The following PHAX variants were observed in gnomAD, a reference collection of about 807,000 sequenced individuals.
PHAX encodes the protein phosphorylated adaptor for RNA export.
Under a neutral mutation model 41.6 loss-of-function variants are expected in PHAX, and 31 were observed. The ratio of observed to expected loss-of-function variants is 0.75; its 90% CI spans 0.56 to 1.01. The LOEUF (loss-of-function observed/expected upper bound fraction) is 1.01. PHAX is among the 50% of genes least tolerant of loss of function. The pLI, the probability that PHAX is intolerant of heterozygous loss-of-function variation, is 0.00. For missense variants in PHAX, 453 were observed against 472.9 expected (o/e 0.96, Z 0.39); for synonymous variants, 175 against 164.9 (o/e 1.06, Z -0.47).
intron 3 of PHAX, among the ~76,000 whole-genome samples, chr5:126,616,380 C>T (rs967074093): frequency 6.6e-6 from 1 of 152,184 alleles, no homozygotes; most frequent in Non-Finnish European, 1.5e-5. Context: ...CAGGCGTGAG[C>T]AACTGCGCCC....
chr5:126,601,045 C>T lies in PHAX; in HGVS notation c.83C>T (p.Pro28Leu), dbSNP rs540772386. The change falls in exon 1 of 5, where the codon CCG becomes CTG. Residue 28 changes from proline (P) to leucine (L), a missense_variant. Transcript: ENST00000297540. ...SDMTVAPSDR[P>L]LQLPKVLGGD... Reference sequence around the variant, plus strand: ...ATGACGGTCGCACCCAGCGACAGGCCGCTGCAATTGCCAGTGAGTGTGAAA... The same window carrying T: ...ATGACGGTCGCACCCAGCGACAGGCTGCTGCAATTGCCAGTGAGTGTGAAA... 1.2e-6 allele frequency: 2 copies of T among 1,605,558 alleles called. No homozygotes were observed. The highest frequency in any genetic ancestry group is 1.7e-5 in the Admixed American group (1 of 59,454).
rs202042936 is a variant in PHAX at position 126,624,631 on chromosome 5, G to A, written c.972G>A (p.Lys324=). ...ATGAAAATAAAAAAGCTGCTAGGAAGAGGAGAACACAAGTGTTGGGGAAAA... is the reference window on the plus strand; with the variant it reads ...ATGAAAATAAAAAAGCTGCTAGGAAAAGGAGAACACAAGTGTTGGGGAAAA... ...KEYENKKAAR[K]RRTQVLGKKM... The change falls in exon 5 of 5, where the codon AAG becomes AAA. Residue 324 remains lysine (K), a synonymous_variant. Coordinates refer to ENST00000297540, the MANE Select transcript of PHAX (RefSeq NM_032177.4). 1.2e-6 allele frequency: 2 copies of A among 1,612,872 alleles called. No homozygotes were observed. The highest frequency in any genetic ancestry group is 2.7e-5 in the African/African-American group (2 of 74,896).
At chr5:126,602,466 A>G (rs1751919012) in intron 1 of PHAX, among the ~76,000 whole-genome samples, 1 of 152,256 alleles carries the variant, frequency 6.6e-6, no homozygotes, top group Non-Finnish European at 1.5e-5. Flanking sequence ...TGTGGAGCAT[A>G]CAGTGTGCAG....
At position 126,608,449 on chromosome 5, in the gene PHAX, G is replaced by A. The variant is rs1164905443; in HGVS notation, c.796G>A (p.Ala266Thr). The change falls in exon 3 of 5, where the codon GCT becomes ACT. Residue 266 changes from alanine (A) to threonine (T), a missense_variant. Ala to Thr is a moderately conservative substitution (Grantham distance 58, BLOSUM62 0). Coordinates refer to ENST00000297540, the MANE Select transcript of PHAX (RefSeq NM_032177.4). The stretch of plus-strand genomic sequence containing the variant: ...GGCAATTGAACTTCTGATGGAAACC[G>A]CTGAAGTTGAACAAAATGGTGGTCT... ...KKAIELLMET[A>T]EVEQNGGLFI... 3.1e-6 allele frequency: 5 copies of A among 1,613,636 alleles called. No individual in the cohort carries two copies. The highest frequency in any genetic ancestry group is 1.7e-5 in the Admixed American group (1 of 59,990).
At position 126,624,697 on chromosome 5, in the gene PHAX, T is replaced by A. The variant is rs759972938; in HGVS notation, c.1038T>A (p.Asp346Glu). Residue 346 changes from aspartate (D) to glutamate (E), a missense_variant, in exon 5 of 5, where the codon GAT (aspartate) becomes GAA (glutamate). By Grantham distance (45) the Asp-to-Glu change is conservative. Transcript: ENST00000297540. ...TTAAAAGTCTAAATTTTCAAGAAGA[T>A]GATGATACATCACGAGAAACTTTTG... ...QAIKSLNFQE[D>E]DDTSRETFAS... 1.2e-6 allele frequency: 2 copies of A among 1,614,212 alleles called. No homozygotes were observed.
At position 126,624,901 on chromosome 5, in the gene PHAX, A is replaced by AT; in HGVS notation, c.*62dup. ...TTCTAAAATAACATTGTAATAAACC[A>AT]TTTTTACTGAGATTGCAACGTTTTG... is the stretch of plus-strand genomic sequence containing the variant. On this transcript the variant is annotated 3_prime_UTR_variant, in exon 5 of 5. Coordinates refer to ENST00000297540, the MANE Select transcript of PHAX (RefSeq NM_032177.4). 1.4e-6 allele frequency: 2 copies of AT among 1,470,596 alleles called. No homozygotes were observed. The highest frequency in any genetic ancestry group is 1.8e-6 in the Non-Finnish European group (2 of 1,088,110). The allele number at this position is 1,470,596 out of a possible 1,614,324, so 91.1% of individuals were successfully genotyped here. A position where few individuals can be genotyped will look rare whatever the true frequency, so the allele number is the denominator to read the frequency against.
intron 1 of PHAX, among the ~76,000 whole-genome samples, chr5:126,602,448 A>AAC (rs1475447910): frequency 2.0e-5 from 3 of 152,220 alleles, no homozygotes; most frequent in Admixed American, 1.3e-4. Flanking sequence ...GGGTTATTGC[A>AAC]AGGATTCTGT....
At chr5:126,614,850 G>A (rs1415939305) in intron 3 of PHAX, among the ~76,000 whole-genome samples, 2 of 151,900 alleles carry the variant, frequency 1.3e-5, no homozygotes, top group African/African-American at 2.4e-5. Flanking sequence ...TCTGCCTCCC[G>A]GGTTCAAGCG....
rs563090490 is a variant in PHAX, at chr5:126,625,643, C to A, written c.*799C>A. On this transcript the variant is annotated 3_prime_UTR_variant, in exon 5 of 5. Transcript: ENST00000297540. ...TAAGAGGTGTATACTGATGATTCTTCCCACTCATTTGTTTGTCCAGAAGTA... is the reference window on the plus strand; with the variant it reads ...TAAGAGGTGTATACTGATGATTCTTACCACTCATTTGTTTGTCCAGAAGTA... 6.6e-6 allele frequency: 1 copy of A among 151,588 alleles called. No homozygotes were observed. Among genetic ancestry groups the A allele is most frequent in the Non-Finnish European group, 1.5e-5 (1 of 67,962 alleles). The allele number at this position is 151,588 out of a possible 1,614,324, so 9.4% of individuals were successfully genotyped here.
At chr5:126,609,340 A>T (rs1004995763) in intron 3 of PHAX, among the ~76,000 whole-genome samples, 21 of 151,754 alleles carry the variant, frequency 1.4e-4, no homozygotes, top group African/African-American at 5.1e-4. Flanking sequence ...ACCTTAGGCA[A>T]TCCACCCAGC....
intron 4 of PHAX, among the ~76,000 whole-genome samples, chr5:126,618,547 T>G (rs181249091): frequency 3.0e-3 from 462 of 152,172 alleles, no homozygotes; most frequent in Non-Finnish European, 3.3e-3. Context: ...TTATATACTT[T>G]CCCCCTAAGC....
rs760806341 is a variant in PHAX, at chr5:126,625,080, G to C, written c.*236G>C. On this transcript the variant is annotated 3_prime_UTR_variant, in exon 5 of 5. Transcript: ENST00000297540. ...GATTTAATTTCTCAATCTGTTGCAT[G>C]TGCTAATTATGAGTATTACTAGTTG... 17 of 464,910 alleles carry C rather than the reference G, an allele frequency of 3.7e-5. No homozygotes were observed. The highest frequency in any genetic ancestry group is 1.2e-4 in the Admixed American group (3 of 25,100). 28.8% of individuals were successfully genotyped at this position (464,910 alleles called of 1,614,324 possible).
chr5:126,622,293 C>G (rs1333542755), intron 4 of PHAX, among the ~76,000 whole-genome samples: 1 of 151,986 alleles, frequency 6.6e-6, no homozygotes, highest in African/African-American at 2.4e-5. Flanking sequence ...ACCACCATGC[C>G]CAGCTAATTT....
chr5:126,617,448 GTTA>G (rs1752203003), intron 4 of PHAX, 115 bp downstream of exon 4: 2 of 578,734 alleles, frequency 3.5e-6, no homozygotes, highest in Non-Finnish European at 6.1e-6. Context: ...GACTGATTTT[GTTA>G]TTATCTTAAG....
chr5:126,600,972 G>A lies in PHAX; in HGVS notation c.10G>A (p.Glu4Lys). The A allele has an allele frequency of 6.2e-7, 1 of 1,604,642 alleles. No individual in the cohort carries two copies. Among genetic ancestry groups the A allele is most frequent in the Non-Finnish European group, 8.5e-7 (1 of 1,175,664 alleles). MALEVGDMEDGQLS... is the reference protein window; with the variant it reads MALKVGDMEDGQLS... Reference sequence around the variant, plus strand: ...AGCGCACCGCGGGAAGATGGCGTTGGAGGTCGGCGATATGGAAGATGGGCA... The same window carrying A: ...AGCGCACCGCGGGAAGATGGCGTTGAAGGTCGGCGATATGGAAGATGGGCA... Residue 4 changes from glutamate (E) to lysine (K), a missense_variant, in exon 1 of 5, where the codon GAG becomes AAG. Glu to Lys is a moderately conservative substitution (Grantham distance 56, BLOSUM62 1). Coordinates refer to ENST00000297540, the MANE Select transcript of PHAX (RefSeq NM_032177.4).
chr5:126,616,642 G>C lies in PHAX; in HGVS notation c.832-608G>C, dbSNP rs575319370. Reference sequence around the variant, plus strand: ...CACCTGTAATCCTAGCACTTTGTGAGGCTGAGGCGGGCAGATCGCCTGAGG... The same window carrying C: ...CACCTGTAATCCTAGCACTTTGTGACGCTGAGGCGGGCAGATCGCCTGAGG... On this transcript the variant is annotated intron_variant, in intron 3 of 4. Transcript: ENST00000297540. Among the ~76,000 whole-genome samples the C allele has an allele frequency of 4.0e-4, 61 of 152,178 alleles. 2 individuals carry two copies. The South Asian group carries it at 0.012, about 31-fold the overall frequency.
intron 3 of PHAX, among the ~76,000 whole-genome samples, chr5:126,609,344 A>G (rs1014860215): frequency 4.0e-5 from 6 of 151,616 alleles, no homozygotes; most frequent in Admixed American, 3.3e-4. Flanking sequence ...TAGGCAATCC[A>G]CCCAGCTCGG....
intron 2 of PHAX, among the ~76,000 whole-genome samples, chr5:126,607,446 T>G (rs1183540189): frequency 7.1e-6 from 1 of 140,352 alleles, no homozygotes; most frequent in Non-Finnish European, 1.5e-5. Flanking sequence ...TTGCCCAGGC[T>G]GGAGTGCAGT....
intron 4 of PHAX, among the ~76,000 whole-genome samples, chr5:126,623,853 A>T (rs1752307618): frequency 6.6e-6 from 1 of 152,146 alleles, no homozygotes; most frequent in Admixed American, 6.6e-5. Context: ...ATCCCTGCCC[A>T]GGAGATAATA....
Sources: allele counts gnomAD v4.1 joint callset (sites outside exome capture counted in the v4.1 genomes callset), GRCh38; gene constraint gnomAD v4.1.1; transcripts MANE v1.5; gene names NCBI Gene and HGNC (gene_info 2026-07-23, HGNC 2026-07-21).